Variants in LRCH2 observed in about 807,000 individuals in gnomAD.
The protein encoded by LRCH2 is leucine rich repeats and calponin homology domain containing 2, also known as leucine-rich repeat and calponin homology domain-containing protein 2.
LRCH2 carries 38 observed loss-of-function variants against 68.9 expected under a neutral mutation model. That is an observed-to-expected ratio of 0.55 (90% CI 0.43 to 0.72). The LOEUF is 0.72. Ranked by LOEUF, LRCH2 falls within the 30% of genes least tolerant of loss-of-function variation. The probability of loss-of-function intolerance (pLI) is 0.00; values close to 1 mark genes in which losing one functional copy is unlikely to be tolerated. For missense variants in LRCH2, 528 were observed against 572.9 expected (o/e 0.92, Z 0.80); for synonymous variants, 191 against 208.1 (o/e 0.92, Z 0.71).
chrX:115,132,284 T>A (rs1290500952), intron 14 of LRCH2, among the ~76,000 whole-genome samples: 2 of 111,906 alleles, frequency 1.8e-5, no homozygotes, highest in African/African-American at 6.5e-5. Flanking sequence ...AGATCCAGTT[T>A]CAGCTTTCTA....
chrX:115,223,882 C>T (rs2073101568), intron 1 of LRCH2, among the ~76,000 whole-genome samples: 1 of 108,068 alleles, frequency 9.3e-6, no homozygotes, highest in Non-Finnish European at 1.9e-5. Flanking sequence ...GCCGAGATTG[C>T]ATCACTGCAC....
rs58602802 is a variant in LRCH2, at chrX:115,177,856, A to G, written c.864+1571T>C. ...CCCCTCCCTGTGTCCATGTGTTCTCATTGTTCAACTCCCACTTATGAGTGA... is the reference window on the plus strand; with the variant it reads ...CCCCTCCCTGTGTCCATGTGTTCTCGTTGTTCAACTCCCACTTATGAGTGA... On this transcript the variant is annotated intron_variant, in intron 5 of 20. Transcript: ENST00000317135. Among the ~76,000 whole-genome samples, 7 of 102,511 alleles carry G rather than the reference A, an allele frequency of 6.8e-5. No individual in the cohort carries two copies. The East Asian group carries it at 2.1e-3, about 30-fold the overall frequency. The allele number at this position is 102,511 out of a possible 115,157, so 89.0% of individuals were successfully genotyped here. A position where few individuals can be genotyped will look rare whatever the true frequency, so the allele number is the denominator to read the frequency against.
chrX:115,148,871 T>G (rs782219311), intron 14 of LRCH2, among the ~76,000 whole-genome samples: 1 of 111,748 alleles, frequency 8.9e-6, no homozygotes, highest in Non-Finnish European at 1.9e-5. Flanking sequence ...CATATAACAG[T>G]TTTGTTTTAG....
At chrX:115,176,928 G>A (rs1556550709) in intron 5 of LRCH2, among the ~76,000 whole-genome samples, 1 of 105,666 alleles carries the variant, frequency 9.5e-6, no homozygotes, top group Non-Finnish European at 1.9e-5. Context: ...TTGTACTTTA[G>A]TAGAGACGGG....
chrX:115,138,818 C>A (rs782342099), intron 14 of LRCH2, among the ~76,000 whole-genome samples: 1 of 112,077 alleles, frequency 8.9e-6, no homozygotes, highest in Admixed American at 9.5e-5. Context: ...CTAATATATA[C>A]ATAGATTTGA....
At chrX:115,187,095 G>C (rs2072738238) in intron 2 of LRCH2, among the ~76,000 whole-genome samples, 1 of 111,754 alleles carries the variant, frequency 8.9e-6, no homozygotes, top group African/African-American at 3.3e-5. Flanking sequence ...TGGGATTACA[G>C]GCGTGAGCCA....
chrX:115,218,024 C>T (rs2147359686), intron 1 of LRCH2, among the ~76,000 whole-genome samples: 1 of 111,505 alleles, frequency 9.0e-6, no homozygotes, highest in South Asian at 3.8e-4. Context: ...GCATAAATGT[C>T]TTCTTTTGAG....
At chrX:115,146,485 T>C (rs925371390) in intron 14 of LRCH2, among the ~76,000 whole-genome samples, 45 of 110,902 alleles carry the variant, frequency 4.1e-4, no homozygotes, top group African/African-American at 1.1e-3. Context: ...TTCCCCATAA[T>C]GTGATTATTG....
intron 5 of LRCH2, 89 bp from the exon 6 acceptor site, chrX:115,170,521 T>C (rs781994148): frequency 1.0e-5 from 8 of 796,361 alleles, no homozygotes; most frequent in South Asian, 5.2e-5. Context: ...TCAAATTACA[T>C]TGAGACATCA....
At chrX:115,230,377 C>T (rs1603109930) in intron 1 of LRCH2, among the ~76,000 whole-genome samples, 1 of 110,986 alleles carries the variant, frequency 9.0e-6, no homozygotes, top group African/African-American at 3.3e-5. Flanking sequence ...AATTAGCAAA[C>T]TCCCCCTTTT....
At chrX:115,206,384 C>T (rs1475188437) in intron 1 of LRCH2, among the ~76,000 whole-genome samples, 1 of 112,311 alleles carries the variant, frequency 8.9e-6, no homozygotes. Flanking sequence ...TTTGTGATGG[C>T]ATTGACGCCC....
intron 11 of LRCH2, among the ~76,000 whole-genome samples, chrX:115,157,273 A>G (rs2072482863): frequency 9.0e-6 from 1 of 110,813 alleles, no homozygotes; most frequent in Non-Finnish European, 1.9e-5. Context: ...TCCTTAACAT[A>G]AGGAACTATA....
intron 1 of LRCH2, chrX:115,192,224 G>A (rs1556561008): frequency 2.6e-6 from 3 of 1,161,549 alleles, no homozygotes; most frequent in East Asian, 3.3e-5. Context: ...GGCGGGGGCC[G>A]CGGCCTCAAC....
intron 1 of LRCH2, chrX:115,190,235 G>T (rs1556556960): frequency 8.6e-7 from 1 of 1,163,952 alleles, no homozygotes; most frequent in Non-Finnish European, 1.1e-6. Flanking sequence ...CGCTATTATG[G>T]CCACTCCAGT....
chrX:115,130,199 A>G lies in LRCH2; in HGVS notation c.1696T>C (p.Tyr566His). The G allele has an allele frequency of 2.0e-6, 2 of 999,634 alleles. No individual in the cohort carries two copies. Among genetic ancestry groups the G allele is most frequent in the Non-Finnish European group, 2.7e-6 (2 of 729,159 alleles). The allele number at this position is 999,634 out of a possible 1,213,427, so 82.4% of individuals were successfully genotyped here. ...SKQIRKEYFK[Y>H]KSMRKSSSGN... is the part of the protein sequence containing the mutation. The stretch of plus-strand genomic sequence containing the variant: ...CTTGAACTCTTCCTCATTGATTTAT[A>G]CTGAAAAATATTTAAAACACATAAT... The change falls in exon 15 of 21, where the codon TAT becomes CAT. Residue 566 changes from tyrosine (Y) to histidine (H), a missense_variant and splice_region_variant. Physicochemically the swap from Tyr to His is moderately conservative, Grantham distance 83 (BLOSUM62 2). Coordinates refer to ENST00000317135, the MANE Select transcript of LRCH2 (RefSeq NM_020871.4).
chrX:115,214,650 C>G (rs1026300444), intron 1 of LRCH2, among the ~76,000 whole-genome samples: 1 of 111,834 alleles, frequency 8.9e-6, no homozygotes, highest in Non-Finnish European at 1.9e-5. Context: ...TAAACAATAA[C>G]AAGGAGATCT....
At chrX:115,190,808 A>G (rs1372634454) in intron 1 of LRCH2, 1 of 1,154,882 alleles carries the variant, frequency 8.7e-7, no homozygotes, top group Non-Finnish European at 1.2e-6. Flanking sequence ...AGTGGGGGCC[A>G]TGACAGTTCC....
intron 1 of LRCH2, chrX:115,189,832 C>T (rs782457452): frequency 1.4e-5 from 16 of 1,166,286 alleles, no homozygotes; most frequent in Middle Eastern, 4.7e-4. Flanking sequence ...TGATGACGGC[C>T]GCGGCTACGC....
chrX:115,126,913 A>C lies in LRCH2; in HGVS notation c.1741-20T>G. On this transcript the variant is annotated intron_variant, in intron 15 of 20. Coordinates refer to ENST00000317135, the MANE Select transcript of LRCH2 (RefSeq NM_020871.4). ...GTCTTGCTAAAACATAAAAATAAAA[A>C]GATGGAAGATGAAATTACAATACAA... is the stretch of plus-strand genomic sequence containing the variant. 1 of 930,676 alleles carries C rather than the reference A, an allele frequency of 1.1e-6. No individual in the cohort carries two copies. Among genetic ancestry groups the C allele is most frequent in the Non-Finnish European group, 1.4e-6 (1 of 691,688 alleles). The allele number at this position is 930,676 out of a possible 1,213,427, so 76.7% of individuals were successfully genotyped here. A position where few individuals can be genotyped will look rare whatever the true frequency, so the allele number is the denominator to read the frequency against.
Sources: gnomAD v4.1 joint callset for allele counts (sites outside exome capture counted in the v4.1 genomes callset) on GRCh38, gnomAD v4.1.1 for gene constraint, MANE v1.5 for transcripts, NCBI Gene and HGNC (gene_info 2026-07-23, HGNC 2026-07-21) for gene names.